Variants in CDHR3 observed in about 807,000 individuals in gnomAD.
CDHR3 encodes the protein cadherin-related family member 3.
Under a neutral mutation model 86.6 loss-of-function variants are expected in CDHR3, and 79 were observed. The observed-to-expected ratio is 0.91, with a 90% CI of 0.76 to 1.10. The LOEUF is 1.10. CDHR3 is among the 50% of genes least tolerant of loss of function. The probability of loss-of-function intolerance (pLI) is 0.00; values close to 1 mark genes in which losing one functional copy is unlikely to be tolerated. For missense variants in CDHR3, 1,081 were observed against 1,077.6 expected, an observed-to-expected ratio of 1.00 and a Z score of -0.04; for synonymous variants, 421 against 402.4, an observed-to-expected ratio of 1.05 and a Z score of -0.55.
rs60768541 is a variant in CDHR3 at position 105,979,852 on chromosome 7, C to T, written c.250-1116C>T. Among the ~76,000 whole-genome samples, 527 of 152,276 alleles carry T rather than the reference C, an allele frequency of 3.5e-3. 4 individuals carry two copies. Among genetic ancestry groups the T allele is most frequent in the African/African-American group, 0.012 (505 of 41,524 alleles). On this transcript the variant is annotated intron_variant, in intron 2 of 18. Transcript: ENST00000317716. ...TAGTCCTCAATGTCCCCAGGGGCTCCGGGCCTTCTGGGAGTTCAAGGCTCT... is the reference window on the plus strand; with the variant it reads ...TAGTCCTCAATGTCCCCAGGGGCTCTGGGCCTTCTGGGAGTTCAAGGCTCT...
chr7:106,020,448 G>A lies in CDHR3; in HGVS notation c.1729G>A (p.Val577Met), dbSNP rs376249428. The part of the protein sequence containing the change: ...TPNSYFLALP[V>M]DLKVGTNIQN... Reference sequence around the variant, plus strand: ...AAACTCTTATTTCCTGGCCCTCCCAGTGGATCTGAAAGTTGGCACAAATAT... The same window carrying A: ...AAACTCTTATTTCCTGGCCCTCCCAATGGATCTGAAAGTTGGCACAAATAT... Residue 577 changes from valine (V) to methionine (M), a missense_variant, in exon 13 of 19, where the codon GTG becomes ATG. Physicochemically the swap from Val to Met is conservative, Grantham distance 21. Transcript: ENST00000317716. 3.3e-5 allele frequency: 53 copies of A among 1,613,886 alleles called. No homozygotes were observed. Among genetic ancestry groups the A allele is most frequent in the Non-Finnish European group, 4.2e-5 (50 of 1,179,892 alleles).
intron 4 of CDHR3, among the ~76,000 whole-genome samples, chr7:105,989,521 C>G (rs114009160): frequency 6.6e-6 from 1 of 152,208 alleles, no homozygotes; most frequent in African/African-American, 2.4e-5. Context: ...GAGCAATAAC[C>G]TAGCTACTAC....
At chr7:105,989,644 G>T (rs1355865202) in intron 4 of CDHR3, among the ~76,000 whole-genome samples, 1 of 152,086 alleles carries the variant, frequency 6.6e-6, no homozygotes, top group Non-Finnish European at 1.5e-5. Context: ...TGTATAAAGT[G>T]GTCATCATAT....
Position 106,024,514 on chromosome 7 carries a change from C to G in CDHR3, c.2210C>G (p.Ala737Gly), listed in dbSNP as rs757097056. The G allele has an allele frequency of 6.2e-7, 1 of 1,614,028 alleles. No individual in the cohort carries two copies. Among genetic ancestry groups the G allele is most frequent in the South Asian group, 1.1e-5 (1 of 91,084 alleles). Reference protein sequence around the residue: ...LVYLVVLLAKAIHRHCPCKTG... With the variant: ...LVYLVVLLAKGIHRHCPCKTG... ...TACCTGGTCGTCCTATTGGCCAAAG[C>G]CATCCACAGACACTGCCCCTGCAAG... The change falls in exon 15 of 19, where the codon GCC becomes GGC. Residue 737 changes from alanine to glycine, a missense_variant. Ala to Gly is a moderately conservative substitution (Grantham distance 60, BLOSUM62 0). Transcript: ENST00000317716.
At chr7:105,970,588 G>A (rs3051) in intron 1 of CDHR3, among the ~76,000 whole-genome samples, 6 of 151,986 alleles carry the variant, frequency 3.9e-5, no homozygotes, top group African/African-American at 9.7e-5. Flanking sequence ...GAAAGTATGC[G>A]GTGTTTTAGG....
chr7:106,018,682 C>G (rs1294454290), intron 12 of CDHR3, among the ~76,000 whole-genome samples: 1 of 152,158 alleles, frequency 6.6e-6, no homozygotes, highest in Non-Finnish European at 1.5e-5. Context: ...TTTGCCTTCA[C>G]TGAAGGCTGT....
intron 2 of CDHR3, among the ~76,000 whole-genome samples, chr7:105,976,395 T>C (rs1187107936): frequency 6.6e-6 from 1 of 152,218 alleles, no homozygotes; most frequent in Non-Finnish European, 1.5e-5. Context: ...GTAACTAAGC[T>C]GAGAATGGAA....
At chr7:105,999,326 C>T (rs7793531) in intron 6 of CDHR3, among the ~76,000 whole-genome samples, 66,204 of 151,500 alleles carry the variant, frequency 0.44, 14,943 homozygotes, top group African/African-American at 0.56. Flanking sequence ...TGAGGAGCTG[C>T]ATCGTGGCCA....
At chr7:106,018,155 G>A (rs2115866956) in intron 12 of CDHR3, 83 bp downstream of exon 12, 2 of 1,102,672 alleles carry the variant, frequency 1.8e-6, no homozygotes, top group Non-Finnish European at 2.6e-6. Context: ...TGTGGATGTG[G>A]CAATGAGGAA....
chr7:105,996,161 C>A, intron 5 of CDHR3, 89 bp from the exon 6 acceptor site: 1 of 717,904 alleles, frequency 1.4e-6, no homozygotes, highest in Non-Finnish European at 2.5e-6. Flanking sequence ...GGTCTGCTCT[C>A]ACTCCTCCCA....
chr7:106,031,203 C>T (rs187554831), intron 18 of CDHR3, among the ~76,000 whole-genome samples: 2 of 152,162 alleles, frequency 1.3e-5, no homozygotes, highest in Non-Finnish European at 2.9e-5. Flanking sequence ...ACTGATTGCC[C>T]CCCCCAGCCC....
At chr7:106,025,692 A>G (rs1837245607) in intron 15 of CDHR3, among the ~76,000 whole-genome samples, 1 of 152,234 alleles carries the variant, frequency 6.6e-6, no homozygotes, top group African/African-American at 2.4e-5. Context: ...AAGAAAATCT[A>G]TGGATGAAAG....
intron 15 of CDHR3, among the ~76,000 whole-genome samples, chr7:106,025,408 G>A (rs1297243909): frequency 2.0e-5 from 3 of 152,154 alleles, no homozygotes; most frequent in Non-Finnish European, 2.9e-5. Context: ...TCAACTAAAT[G>A]AACAAATGTA....
intron 9 of CDHR3, among the ~76,000 whole-genome samples, chr7:106,013,865 T>C (rs1274527190): frequency 6.6e-6 from 1 of 152,278 alleles, no homozygotes; most frequent in Non-Finnish European, 1.5e-5. Flanking sequence ...CATTCACTGA[T>C]AACCAGTGTT....
intron 1 of CDHR3, among the ~76,000 whole-genome samples, chr7:105,973,756 C>T (rs990431403): frequency 2.0e-5 from 3 of 152,126 alleles, no homozygotes; most frequent in African/African-American, 7.2e-5. Flanking sequence ...CACTTGAGGC[C>T]AGGAGTTCAA....
rs1838607508 is a variant in CDHR3, at chr7:106,033,034, T to C, written c.*337T>C. Reference sequence around the variant, plus strand: ...TCTATTCTGTTCACCATAGAAAGTTTGTAGGAATTCCTGACATAAATAGTG... The same window carrying C: ...TCTATTCTGTTCACCATAGAAAGTTCGTAGGAATTCCTGACATAAATAGTG... On this transcript the variant is annotated 3_prime_UTR_variant, in exon 19 of 19. Coordinates refer to ENST00000317716, the MANE Select transcript of CDHR3 (RefSeq NM_152750.5). The C allele has an allele frequency of 4.2e-6, 1 of 237,964 alleles. No homozygotes were observed. The highest frequency in any genetic ancestry group is 2.2e-5 in the African/African-American group (1 of 45,174). The allele number at this position is 237,964 out of a possible 1,614,324, so 14.7% of individuals were successfully genotyped here.
At chr7:106,028,645 C>A in intron 17 of CDHR3, 63 bp downstream of exon 17, 1 of 1,584,262 alleles carries the variant, frequency 6.3e-7, no homozygotes, top group Non-Finnish European at 8.6e-7. Flanking sequence ...CCCGTCTCCC[C>A]CGAAGGCAGG....
chr7:105,981,110 A>C lies in CDHR3; in HGVS notation c.392A>C (p.Gln131Pro). 1 of 1,613,620 alleles carries C rather than the reference A, an allele frequency of 6.2e-7. No homozygotes were observed. The highest frequency in any genetic ancestry group is 2.2e-5 in the East Asian group (1 of 44,872). ...VQVTDVNEPPQFQGNLAEGLH... is the reference protein window; with the variant it reads ...VQVTDVNEPPPFQGNLAEGLH... ...GTAACAGATGTGAACGAGCCACCTC[A>C]GTTTCAAGGCAACTTGGCAGAAGGT... Residue 131 changes from glutamine (Q) to proline (P), a missense_variant, in exon 3 of 19, where the codon CAG (glutamine) becomes CCG (proline). By Grantham distance (76) the Gln-to-Pro change is moderately conservative. Transcript: ENST00000317716.
At chr7:105,992,464 G>T (rs952343385) in intron 4 of CDHR3, among the ~76,000 whole-genome samples, 1 of 152,120 alleles carries the variant, frequency 6.6e-6, no homozygotes, top group African/African-American at 2.4e-5. Context: ...GAGTGTTAAT[G>T]GGGGGCTTGG....
Sources: gnomAD v4.1 joint callset for allele counts (sites outside exome capture counted in the v4.1 genomes callset) on GRCh38, gnomAD v4.1.1 for gene constraint, MANE v1.5 for transcripts, NCBI Gene and HGNC (gene_info 2026-07-23, HGNC 2026-07-21) for gene names.